MROH2A: variants seen among roughly 807,000 people sequenced by gnomAD.
MROH2A encodes maestro heat-like repeat-containing protein family member 2A.
In MROH2A, 174 loss-of-function variants were observed where a neutral mutation model predicts 200.4. That is an observed-to-expected ratio of 0.87 (90% CI 0.77 to 0.98). The LOEUF is 0.98. Among genes scored for constraint, MROH2A ranks in the 50% least tolerant of loss-of-function variants. The pLI is 0.00. For missense variants in MROH2A, 2,045 were observed against 2,139.6 expected (o/e 0.96, Z 0.87); for synonymous variants, 829 against 840.4 (o/e 0.99, Z 0.23).
At chr2:233,819,235 T>A in intron 29 of MROH2A, 82 bp from the exon 30 acceptor site, 2 of 1,363,634 alleles carry the variant, frequency 1.5e-6, no homozygotes, top group South Asian at 2.8e-5. Flanking sequence ...AGTGGGGCCA[T>A]GGGGTGGGAC....
rs28900418 is a variant in MROH2A at position 233,780,142 on chromosome 2, C to T, written c.276+290C>T. The stretch of plus-strand genomic sequence containing the variant: ...CAGTGGGCATGGGAGAGTAAAGATA[C>T]ACCAGACACAGTGTGCAGGGATGTT... On this transcript the variant is annotated intron_variant, in intron 3 of 41. Coordinates refer to ENST00000389758, the MANE Select transcript of MROH2A (RefSeq NM_001394639.1). Among the ~76,000 whole-genome samples the T allele has an allele frequency of 1.8e-3, 273 of 152,330 alleles. 1 individual carries two copies. The highest frequency in any genetic ancestry group is 6.2e-3 in the African/African-American group (256 of 41,576).
chr2:233,800,005 A>G, intron 13 of MROH2A, 106 bp downstream of exon 13: 4 of 1,428,174 alleles, frequency 2.8e-6, no homozygotes, highest in Non-Finnish European at 3.8e-6. Flanking sequence ...AAACCTGCGT[A>G]TCCATTCATG....
In MROH2A at chr2:233,800,618, CGT is replaced by C. The variant is rs1296048146; in HGVS notation, c.1560+314_1560+315del. Reference sequence around the variant, plus strand: ...GAAATGTGTCCATTACTTTAAGGCCCGTGTGTGTGTGTATGTGTGTGTGTGTG... The same window carrying C: ...GAAATGTGTCCATTACTTTAAGGCCCGTGTGTGTGTATGTGTGTGTGTGTG... On this transcript the variant is annotated intron_variant, in intron 14 of 41. Coordinates refer to ENST00000389758, the MANE Select transcript of MROH2A (RefSeq NM_001394639.1). 4.1e-5 allele frequency among the ~76,000 whole-genome samples: 5 copies of C among 120,948 alleles called. No individual in the cohort carries two copies. In the South Asian group the frequency reaches 9.3e-4, roughly 22 times the overall value. 79.3% of individuals were successfully genotyped at this position (120,948 alleles called of 152,430 possible).
rs548925444 is a variant in MROH2A, at chr2:233,798,819, T to C, written c.1298T>C (p.Val433Ala). ...IRAIYLAIRVVKNTISDTRSK... is the reference protein window; with the variant it reads ...IRAIYLAIRVAKNTISDTRSK... ...GCCATCTACCTGGCTATCCGGGTAGTCAAGAACACCATCTCTGATACCCGG... is the reference window on the plus strand; with the variant it reads ...GCCATCTACCTGGCTATCCGGGTAGCCAAGAACACCATCTCTGATACCCGG... The change falls in exon 12 of 42, where the codon GTC becomes GCC. Residue 433 changes from valine (V) to alanine (A), a missense_variant. By Grantham distance (64) the Val-to-Ala change is moderately conservative. Around this residue, in one of 3 missense-constraint regions of MROH2A, gnomAD observed 831 missense variants for 800.0 expected, o/e 1.04. Transcript: ENST00000389758. 1 of 1,550,236 alleles carries C rather than the reference T, an allele frequency of 6.5e-7. No homozygotes were observed. The highest frequency in any genetic ancestry group is 1.2e-5 in the South Asian group (1 of 84,040).
chr2:233,795,164 C>G (rs28900427), intron 8 of MROH2A, among the ~76,000 whole-genome samples: 2,592 of 152,254 alleles, frequency 0.017, 78 homozygotes, highest in African/African-American at 0.059. Context: ...TGGAAGGACA[C>G]CGGTCAACTC....
Position 233,818,062 on chromosome 2 carries a change from G to A in MROH2A, c.3022G>A (p.Asp1008Asn), listed in dbSNP as rs960862213. 9.0e-6 allele frequency: 14 copies of A among 1,550,878 alleles called. No homozygotes were observed. In the African/African-American group the frequency reaches 1.5e-4, roughly 17 times the overall value. The change falls in exon 28 of 42, where the codon GAT becomes AAT. Residue 1008 changes from aspartate (D) to asparagine (N), a missense_variant. Transcript: ENST00000389758. ...MVGLIAPCTC[D>N]AHQRTRMASM... ...CGGACTCATTGCCCCGTGCACCTGT[G>A]ATGCCCATCAAAGAACCCGCATGGC...
intron 26 of MROH2A, among the ~76,000 whole-genome samples, chr2:233,814,893 C>T (rs1431873257): frequency 6.6e-6 from 1 of 152,214 alleles, no homozygotes; most frequent in African/African-American, 2.4e-5. Flanking sequence ...CATTTTCTTT[C>T]TCGGTTTTCT....
chr2:233,798,874 T>TG, intron 12 of MROH2A, 24 bp downstream of exon 12: 1 of 1,538,744 alleles, frequency 6.5e-7, no homozygotes, highest in Non-Finnish European at 8.8e-7. Flanking sequence ...GACCTGGAAA[T>TG]GGGGGGCACT....
chr2:233,810,592 G>T (rs1026316974), intron 22 of MROH2A, among the ~76,000 whole-genome samples: 2 of 152,310 alleles, frequency 1.3e-5, no homozygotes, highest in African/African-American at 4.8e-5. Context: ...TCGTATCCCC[G>T]CCATGTGCCT....
In MROH2A at chr2:233,804,160, T is replaced by C. The variant is rs1702648390; in HGVS notation, c.1859T>C (p.Leu620Pro). The C allele has an allele frequency of 6.4e-7, 1 of 1,550,480 alleles. No homozygotes were observed. Among genetic ancestry groups the C allele is most frequent in the African/African-American group, 1.4e-5 (1 of 73,128 alleles). The change falls in exon 17 of 42, where the codon CTG (leucine) becomes CCG (proline). Residue 620 changes from leucine to proline, a missense_variant. Leu to Pro is a moderately conservative substitution (Grantham distance 98, BLOSUM62 -3). This residue lies in a region of MROH2A where 831 missense variants were observed against 800.0 expected (regional missense o/e 1.04). Coordinates refer to ENST00000389758, the MANE Select transcript of MROH2A (RefSeq NM_001394639.1). ...IAPSMADMWE[L>P]EIALLVRYLE... is the part of the protein sequence containing the mutation. ...CCCTCCATGGCCGACATGTGGGAGC[T>C]GGAGATTGCGCTACTGGTCCGGTAC...
Position 233,822,498 on chromosome 2 carries a change from T to G in MROH2A, c.3808T>G (p.Leu1270Val). ...CCGACCAGAGGCCGCCCCGCCGGTC[T>G]TGAAGATGTGGAAGCTGGTCCACAC... ...SHRPEAAPPV[L>V]KMWKLVHTTP... Residue 1270 changes from leucine (L) to valine (V), a missense_variant, in exon 33 of 42, where the codon TTG becomes GTG. By Grantham distance (32) the Leu-to-Val change is conservative (BLOSUM62 1). Coordinates refer to ENST00000389758, the MANE Select transcript of MROH2A (RefSeq NM_001394639.1). 1.3e-6 allele frequency: 2 copies of G among 1,550,706 alleles called. No homozygotes were observed. The highest frequency in any genetic ancestry group is 1.7e-6 in the Non-Finnish European group (2 of 1,147,030).
At chr2:233,811,424 C>T (rs1559467415) in intron 23 of MROH2A, among the ~76,000 whole-genome samples, 1 of 152,226 alleles carries the variant, frequency 6.6e-6, no homozygotes, top group Non-Finnish European at 1.5e-5. Context: ...CTTGGCCTCT[C>T]AAAGCTGCTT....
At chr2:233,792,515 G>A (rs1042966480) in intron 5 of MROH2A, among the ~76,000 whole-genome samples, 41 of 152,102 alleles carry the variant, frequency 2.7e-4, no homozygotes, top group African/African-American at 8.4e-4. Context: ...GGTTTCAACC[G>A]TGTTAGCCAG....
At chr2:233,791,905 G>C (rs1176142105) in intron 5 of MROH2A, among the ~76,000 whole-genome samples, 1 of 152,106 alleles carries the variant, frequency 6.6e-6, no homozygotes, top group African/African-American at 2.4e-5. Flanking sequence ...CAGCGAGGGG[G>C]ATTATTATGA....
intron 40 of MROH2A, 141 bp downstream of exon 40, chr2:233,832,420 GCTTT>G: frequency 1.1e-6 from 1 of 949,186 alleles, no homozygotes; most frequent in South Asian, 1.6e-5. Flanking sequence ...CCTGCACTGT[GCTTT>G]CTATCCCGTT....
At chr2:233,809,070 G>C in intron 21 of MROH2A, 56 bp from the exon 22 acceptor site, 1 of 1,513,306 alleles carries the variant, frequency 6.6e-7, no homozygotes, top group African/African-American at 1.4e-5. Flanking sequence ...ACCATCACCT[G>C]CATCTGGAGC....
Position 233,823,509 on chromosome 2 carries a change from C to A in MROH2A, c.4005-47C>A, listed in dbSNP as rs979954839. 9.2e-6 allele frequency: 14 copies of A among 1,529,188 alleles called. No individual in the cohort carries two copies. In the African/African-American group the frequency reaches 1.8e-4, roughly 19 times the overall value. 94.7% of individuals were successfully genotyped at this position (1,529,188 alleles called of 1,614,324 possible). On this transcript the variant is annotated intron_variant, in intron 34 of 41. Transcript: ENST00000389758. ...TGCCCAGCTCTTGGCAAACGTCAGG[C>A]AGGGGTGGGGCCGCCTCCACGACCT...
In MROH2A at chr2:233,828,778, A is replaced by C; in HGVS notation, c.4262A>C (p.Lys1421Thr). 2 of 1,550,018 alleles carry C rather than the reference A, an allele frequency of 1.3e-6. No homozygotes were observed. The highest frequency in any genetic ancestry group is 2.4e-5 in the South Asian group (2 of 84,028). The change falls in exon 36 of 42, where the codon AAG (lysine) becomes ACG (threonine). Residue 1421 changes from lysine to threonine, a missense_variant and splice_region_variant. Physicochemically the swap from Lys to Thr is moderately conservative, Grantham distance 78 (BLOSUM62 -1). Around this residue, in one of 3 missense-constraint regions of MROH2A, gnomAD observed 1,201 missense variants for 1,311.3 expected, o/e 0.92. Coordinates refer to ENST00000389758, the MANE Select transcript of MROH2A (RefSeq NM_001394639.1). The surrounding 1 kb of genome is among the most constrained non-coding windows in gnomAD (Gnocchi z 4.6). ...AACATGGCCCTGGGCGCCCCCAAGAAGGTACTGTGCCTGGCCCTGGGCCCA... is the reference window on the plus strand; with the variant it reads ...AACATGGCCCTGGGCGCCCCCAAGACGGTACTGTGCCTGGCCCTGGGCCCA... ...LGNMALGAPK[K>T]VKQYRKVLLE...
Position 233,807,856 on chromosome 2 carries a change from G to C in MROH2A, c.2295+1G>C. On this transcript the variant is annotated splice_donor_variant, in intron 21 of 41. Transcript: ENST00000389758. LOFTEE classifies it high-confidence loss of function. The surrounding 1 kb of genome is among the most constrained non-coding windows in gnomAD (Gnocchi z 4.3). The stretch of plus-strand genomic sequence containing the variant: ...GTCCTGGCAGATCAGTGCTTGGCGG[G>C]TAAGCCACCTTCCCTCCACAACTGG... The C allele has an allele frequency of 6.4e-7, 1 of 1,550,952 alleles. No individual in the cohort carries two copies. Among genetic ancestry groups the C allele is most frequent in the Non-Finnish European group, 8.7e-7 (1 of 1,147,066 alleles).
Sources: allele counts gnomAD v4.1 joint callset (sites outside exome capture counted in the v4.1 genomes callset), GRCh38; gene constraint gnomAD v4.1.1; regional missense constraint gnomAD v4.1.1; non-coding constraint Gnocchi (gnomAD v3.1); transcripts MANE v1.5; gene names NCBI Gene and HGNC (gene_info 2026-07-23, HGNC 2026-07-21).